The following SPECC1L variants were observed in gnomAD, a reference collection of about 807,000 sequenced individuals.
SPECC1L encodes the protein sperm antigen with calponin homology and coiled-coil domains 1 like, also known as cytospin-A.
A neutral mutation model predicts 116.8 loss-of-function variants in SPECC1L; 40 were observed. That is an observed-to-expected ratio of 0.34 (90% confidence interval 0.27 to 0.45). The LOEUF is 0.45. SPECC1L is among the 20% of genes least tolerant of loss of function. The pLI, the probability that SPECC1L is intolerant of heterozygous loss-of-function variation, is 1.00. For missense variants in SPECC1L, 1,110 were observed against 1,373.6 expected (o/e 0.81, Z 3.03); for synonymous variants, 504 against 500.6 (o/e 1.01, Z -0.09).
intron 10 of SPECC1L, among the ~76,000 whole-genome samples, chr22:24,346,715 A>G (rs1304868405): frequency 6.6e-6 from 1 of 152,162 alleles, no homozygotes; most frequent in Non-Finnish European, 1.5e-5. Context: ...TGACTGTATC[A>G]GTAACATATA....
At chr22:24,311,304 G>A (rs1315732508) in intron 3 of SPECC1L, among the ~76,000 whole-genome samples, 4 of 152,172 alleles carry the variant, frequency 2.6e-5, no homozygotes, top group African/African-American at 4.8e-5. Context: ...AACTTACGGA[G>A]GAAGAAAGAT....
intron 14 of SPECC1L, among the ~76,000 whole-genome samples, chr22:24,401,802 A>C (rs766548801): frequency 9.9e-5 from 15 of 152,194 alleles, no homozygotes; most frequent in African/African-American, 2.4e-5. Flanking sequence ...CCTTTAAAGA[A>C]CATTATGCCC....
At chr22:24,370,150 G>T (rs958444259) in intron 14 of SPECC1L, among the ~76,000 whole-genome samples, 1 of 152,208 alleles carries the variant, frequency 6.6e-6, no homozygotes, top group East Asian at 1.9e-4. Context: ...TGCAAAAGAG[G>T]TAATAACATT....
chr22:24,343,349 C>A, intron 10 of SPECC1L: 1 of 358,148 alleles, frequency 2.8e-6, no homozygotes, highest in South Asian at 2.1e-5. Flanking sequence ...TAAGGCATTG[C>A]TGAAAAACAG....
chr22:24,319,847 G>A (rs1435948073), intron 4 of SPECC1L, among the ~76,000 whole-genome samples: 1 of 152,196 alleles, frequency 6.6e-6, no homozygotes, highest in Admixed American at 6.5e-5. Context: ...TAATGAACCA[G>A]CAGGGTCTTT....
chr22:24,333,406 T>C (rs2040978996), intron 8 of SPECC1L, among the ~76,000 whole-genome samples: 1 of 152,194 alleles, frequency 6.6e-6, no homozygotes, highest in Non-Finnish European at 1.5e-5. Context: ...AACTCTGCAA[T>C]TGTAATCTCA....
chr22:24,298,870 A>G (rs1440837734), intron 2 of SPECC1L, among the ~76,000 whole-genome samples: 1 of 152,260 alleles, frequency 6.6e-6, no homozygotes, highest in Non-Finnish European at 1.5e-5. Context: ...CACGCAGAAT[A>G]ATATTTGACC....
intron 8 of SPECC1L, among the ~76,000 whole-genome samples, chr22:24,330,831 G>A (rs1250934140): frequency 6.6e-6 from 1 of 152,122 alleles, no homozygotes; most frequent in Non-Finnish European, 1.5e-5. Flanking sequence ...CAGGAATCTT[G>A]ACTTCCCTGA....
Position 24,347,166 on chromosome 22 carries a change from C to T in SPECC1L, c.2733C>T (p.Ile911=), listed in dbSNP as rs781438287. Reference sequence around the variant, plus strand: ...ATAAGAGACCAAACTATGGGGAAATCCCTGTTCAAGGTACGTGTAATATGC... The same window carrying T: ...ATAAGAGACCAAACTATGGGGAAATTCCTGTTCAAGGTACGTGTAATATGC... ...LSDKRPNYGE[I]PVQEHLLRTS... The change falls in exon 11 of 17, where the codon ATC becomes ATT. Residue 911 remains isoleucine, a synonymous_variant. Transcript: ENST00000314328. The T allele has an allele frequency of 1.9e-6, 3 of 1,613,114 alleles. No homozygotes were observed. Among genetic ancestry groups the T allele is most frequent in the East Asian group, 2.2e-5 (1 of 44,852 alleles).
At chr22:24,328,782 C>T in intron 6 of SPECC1L, 64 bp from the exon 7 acceptor site, 1 of 1,319,912 alleles carries the variant, frequency 7.6e-7, no homozygotes. Flanking sequence ...TATCCCTTTT[C>T]TTTGTATTAT....
chr22:24,332,917 G>A (rs1423617226), intron 8 of SPECC1L, among the ~76,000 whole-genome samples: 4 of 152,106 alleles, frequency 2.6e-5, no homozygotes, highest in Non-Finnish European at 5.9e-5. Flanking sequence ...GATAGTCACT[G>A]TTATAGATTC....
chr22:24,287,948 G>A (rs1015555773), intron 2 of SPECC1L, among the ~76,000 whole-genome samples: 3 of 152,148 alleles, frequency 2.0e-5, no homozygotes, highest in African/African-American at 7.2e-5. Context: ...GGAGGTACAG[G>A]TAAGCAATAA....
intron 14 of SPECC1L, among the ~76,000 whole-genome samples, chr22:24,396,269 C>A (rs2042366591): frequency 6.6e-6 from 1 of 151,272 alleles, no homozygotes; most frequent in Admixed American, 6.6e-5. Context: ...TAGAGTATGA[C>A]CTTTGCCCTC....
At chr22:24,313,668 T>G (rs2040503195) in intron 4 of SPECC1L, among the ~76,000 whole-genome samples, 1 of 152,178 alleles carries the variant, frequency 6.6e-6, no homozygotes, top group African/African-American at 2.4e-5. Context: ...TTCCCTCTTA[T>G]TATTTTGAAG....
chr22:24,329,581 C>G (rs972146034), intron 7 of SPECC1L, among the ~76,000 whole-genome samples: 6 of 152,104 alleles, frequency 3.9e-5, no homozygotes, highest in African/African-American at 1.4e-4. Flanking sequence ...AAGAAAATTG[C>G]TTTAGGGGTG....
intron 14 of SPECC1L, among the ~76,000 whole-genome samples, chr22:24,375,970 CAAA>C (rs565959001): frequency 6.6e-6 from 1 of 150,378 alleles, no homozygotes; most frequent in African/African-American, 2.4e-5. Context: ...AACAAACAAA[CAAA>C]AAAAACAAAA....
In SPECC1L at chr22:24,390,850, T is replaced by TC. The variant is rs1464546671; in HGVS notation, c.3088-20736dup. On this transcript the variant is annotated intron_variant, in intron 14 of 16. Transcript: ENST00000314328. The stretch of plus-strand genomic sequence containing the variant: ...CTCAGGGCTCTTCTTGGGCCTGTGT[T>TC]CCTTTTTTTTTTTTTTCTTTTCTTT... Among the ~76,000 whole-genome samples, 9 of 121,368 alleles carry TC rather than the reference T, an allele frequency of 7.4e-5. No homozygotes were observed. In the South Asian group the frequency reaches 2.1e-3, roughly 28 times the overall value. The allele number at this position is 121,368 out of a possible 152,430, so 79.6% of individuals were successfully genotyped here.
chr22:24,395,303 A>G (rs1337726937), intron 14 of SPECC1L, among the ~76,000 whole-genome samples: 6 of 152,288 alleles, frequency 3.9e-5, no homozygotes, highest in East Asian at 3.9e-4. Flanking sequence ...TCATTTCCCA[A>G]TACGATGTGA....
At chr22:24,398,932 T>C (rs957328355) in intron 14 of SPECC1L, among the ~76,000 whole-genome samples, 1 of 152,192 alleles carries the variant, frequency 6.6e-6, no homozygotes. Flanking sequence ...TCTTTTTCAG[T>C]TGAGATTGCA....
Sources: gnomAD v4.1 joint callset for allele counts (sites outside exome capture counted in the v4.1 genomes callset) on GRCh38, gnomAD v4.1.1 for gene constraint, MANE v1.5 for transcripts, NCBI Gene and HGNC (gene_info 2026-07-23, HGNC 2026-07-21) for gene names.